GAB2: variants seen among roughly 807,000 people sequenced by gnomAD.
GAB2 encodes GRB2-associated-binding protein 2.
In GAB2, 26 loss-of-function variants were observed where a neutral mutation model predicts 65.5. The observed-to-expected ratio is 0.40, with a 90% CI of 0.29 to 0.55. The LOEUF (loss-of-function observed/expected upper bound fraction) is 0.55. GAB2 is among the 20% of genes least tolerant of loss of function. GAB2 has a pLI of 0.53. For missense variants in GAB2, 884 were observed against 875.8 expected, an observed-to-expected ratio of 1.01 and a Z score of -0.12; for synonymous variants, 321 against 329.6, an observed-to-expected ratio of 0.97 and a Z score of 0.28.
At chr11:78,331,755 G>A (rs1286604829) in intron 1 of GAB2, among the ~76,000 whole-genome samples, 2 of 152,178 alleles carry the variant, frequency 1.3e-5, no homozygotes, top group Non-Finnish European at 2.9e-5. Context: ...GGCTGGCTCA[G>A]ATCAGACCAA....
Position 78,291,358 on chromosome 11 carries a change from C to T in GAB2, c.76-10457G>A, listed in dbSNP as rs572376168. On this transcript the variant is annotated intron_variant, in intron 1 of 9. Transcript: ENST00000361507. ...GCGAGCACCTGTAGTCCCAGCTACT[C>T]GGGAGGCTGAGGCAGAAGAATGGCT... 5.4e-5 allele frequency among the ~76,000 whole-genome samples: 8 copies of T among 148,886 alleles called. No individual in the cohort carries two copies. In the South Asian group the frequency reaches 1.3e-3, roughly 24 times the overall value.
In GAB2 at chr11:78,417,600, C is replaced by G. The variant is rs1370771195; in HGVS notation, c.75+46G>C. 1.3e-5 allele frequency: 15 copies of G among 1,138,722 alleles called. No individual in the cohort carries two copies. In the East Asian group the frequency reaches 6.6e-4, roughly 50 times the overall value. The allele number at this position is 1,138,722 out of a possible 1,614,324, so 70.5% of individuals were successfully genotyped here. A position where few individuals can be genotyped will look rare whatever the true frequency, so the allele number is the denominator to read the frequency against. On this transcript the variant is annotated intron_variant, in intron 1 of 9. Transcript: ENST00000361507. Reference sequence around the variant, plus strand: ...GGAGTCCCCCGCCCCTCCGCAGGCCCCGGAGCGCCCCCCGCCCGCCCCTGG... The same window carrying G: ...GGAGTCCCCCGCCCCTCCGCAGGCCGCGGAGCGCCCCCCGCCCGCCCCTGG...
At chr11:78,282,621 T>G (rs1037637793) in intron 1 of GAB2, among the ~76,000 whole-genome samples, 3 of 152,098 alleles carry the variant, frequency 2.0e-5, no homozygotes, top group Non-Finnish European at 4.4e-5. Context: ...CACTGTGTGA[T>G]TTTTGATTAA....
intron 1 of GAB2, among the ~76,000 whole-genome samples, chr11:78,325,023 T>C (rs150118347): frequency 6.8e-4 from 104 of 152,326 alleles, no homozygotes; most frequent in African/African-American, 2.2e-3. Context: ...ACCATGGGAA[T>C]TGGCAAACGA....
chr11:78,292,727 A>G (rs1321136087), intron 1 of GAB2, among the ~76,000 whole-genome samples: 3 of 152,200 alleles, frequency 2.0e-5, no homozygotes, highest in African/African-American at 7.2e-5. Flanking sequence ...GCTTTTTGCT[A>G]TCCTTCCTCT....
At chr11:78,404,203 T>A (rs1045617309) in intron 1 of GAB2, among the ~76,000 whole-genome samples, 1 of 152,208 alleles carries the variant, frequency 6.6e-6, no homozygotes, top group East Asian at 1.9e-4. Flanking sequence ...TAAGTGTCCA[T>A]CAATCGATGA....
intron 1 of GAB2, among the ~76,000 whole-genome samples, chr11:78,408,192 T>C (rs1444657078): frequency 6.6e-6 from 1 of 152,020 alleles, no homozygotes; most frequent in Non-Finnish European, 1.5e-5. Flanking sequence ...GCAAAAATTA[T>C]AGCACTGTCT....
intron 2 of GAB2, among the ~76,000 whole-genome samples, chr11:78,266,817 A>G (rs1164243709): frequency 6.6e-6 from 1 of 152,210 alleles, no homozygotes; most frequent in Non-Finnish European, 1.5e-5. Context: ...AAGCAGGTCC[A>G]TGTCTTATGC....
Position 78,417,704 on chromosome 11 carries a change from T to G in GAB2, c.17A>C (p.Asp6Ala). 1 of 1,344,646 alleles carries G rather than the reference T, an allele frequency of 7.4e-7. No individual in the cohort carries two copies. Among genetic ancestry groups the G allele is most frequent in the East Asian group, 4.0e-5 (1 of 25,112 alleles). The allele number at this position is 1,344,646 out of a possible 1,614,324, so 83.3% of individuals were successfully genotyped here. A position where few individuals can be genotyped will look rare whatever the true frequency, so the allele number is the denominator to read the frequency against. ...CCTCAGCCAGCCGGTGCACACCACG[T>G]CGCCGCCGCCGCTCATGCTGCCGGC... Reference protein sequence around the residue: MSGGGDVVCTGWLRKS... With the variant: MSGGGAVVCTGWLRKS... The change falls in exon 1 of 10, where the codon GAC becomes GCC. Residue 6 changes from aspartate to alanine, a missense_variant. Coordinates refer to ENST00000361507, the MANE Select transcript of GAB2 (RefSeq NM_080491.3).
At chr11:78,244,147 T>C (rs1271355224) in intron 3 of GAB2, among the ~76,000 whole-genome samples, 1 of 148,884 alleles carries the variant, frequency 6.7e-6, no homozygotes, top group African/African-American at 2.4e-5. Flanking sequence ...GAGGCCAAGA[T>C]GGGCAGATTC....
At chr11:78,340,680 C>T (rs1591051038) in intron 1 of GAB2, among the ~76,000 whole-genome samples, 2 of 150,706 alleles carry the variant, frequency 1.3e-5, no homozygotes, top group East Asian at 3.9e-4. Flanking sequence ...GAAAAGGAAA[C>T]TCCCCAGGAA....
intron 1 of GAB2, among the ~76,000 whole-genome samples, chr11:78,306,991 C>G (rs1183369493): frequency 6.6e-6 from 1 of 152,140 alleles, no homozygotes; most frequent in Non-Finnish European, 1.5e-5. Context: ...CTCACCAGGC[C>G]TGTATTTGGG....
At chr11:78,280,379 T>C (rs1423136984) in intron 2 of GAB2, 1 of 576,834 alleles carries the variant, frequency 1.7e-6, no homozygotes, top group Admixed American at 3.1e-5. Context: ...CAAATACCTT[T>C]AGCTTTATCA....
intron 2 of GAB2, among the ~76,000 whole-genome samples, chr11:78,265,133 G>A (rs1382634987): frequency 1.3e-5 from 2 of 151,252 alleles, no homozygotes; most frequent in African/African-American, 4.8e-5. Context: ...TTAGACTAAA[G>A]TCATTAATGT....
chr11:78,345,413 G>C (rs1349427011), intron 1 of GAB2, among the ~76,000 whole-genome samples: 1 of 152,198 alleles, frequency 6.6e-6, no homozygotes, highest in Admixed American at 6.5e-5. Context: ...GAAGGTTTAG[G>C]AATTTAGTTG....
chr11:78,402,505 A>G (rs943903939), intron 1 of GAB2, among the ~76,000 whole-genome samples: 1 of 149,656 alleles, frequency 6.7e-6, no homozygotes, highest in Non-Finnish European at 1.5e-5. Flanking sequence ...TCTCAGCCCA[A>G]TGCAACCTCC....
intron 1 of GAB2, among the ~76,000 whole-genome samples, chr11:78,362,818 T>C (rs1856451234): frequency 1.3e-5 from 2 of 152,158 alleles, no homozygotes; most frequent in Admixed American, 1.3e-4. Context: ...AGAATGCTGC[T>C]GCAGGTATAT....
chr11:78,340,007 T>A (rs1451635035), intron 1 of GAB2, among the ~76,000 whole-genome samples: 1 of 152,186 alleles, frequency 6.6e-6, no homozygotes, highest in East Asian at 1.9e-4. Context: ...AAAGAGAAAA[T>A]TGTTTTTTAA....
chr11:78,358,471 T>TAATAAC (rs1554993745), intron 1 of GAB2, among the ~76,000 whole-genome samples: 18 of 137,134 alleles, frequency 1.3e-4, no homozygotes, highest in African/African-American at 3.3e-4. Context: ...ATAATAATAA[T>TAATAAC]AATAAAGTGA....
Sources: gnomAD v4.1 joint callset for allele counts (sites outside exome capture counted in the v4.1 genomes callset) on GRCh38, gnomAD v4.1.1 for gene constraint, MANE v1.5 for transcripts, NCBI Gene and HGNC (gene_info 2026-07-23, HGNC 2026-07-21) for gene names.